Variants in MTOR observed in about 807,000 individuals in gnomAD.
The protein encoded by MTOR is mechanistic target of rapamycin kinase.
A neutral mutation model predicts 319.8 loss-of-function variants in MTOR; 70 were observed. The ratio of observed to expected loss-of-function variants is 0.22; its 90% CI spans 0.18 to 0.27. The LOEUF (loss-of-function observed/expected upper bound fraction) is 0.27, where lower values mean the gene tolerates loss of function less well. Ranked by LOEUF, MTOR falls within the 10% of genes least tolerant of loss-of-function variation. The probability of loss-of-function intolerance (pLI) is 1.00; values close to 1 mark genes in which losing one functional copy is unlikely to be tolerated. For synonymous variants in MTOR, 1,183 were observed against 1,211.4 expected, an observed-to-expected ratio of 0.98 and a Z score of 0.49; for missense variants, 1,890 against 3,274.4, an observed-to-expected ratio of 0.58 and a Z score of 10.32.
At chr1:11,120,177 A>T (rs952467192) in intron 49 of MTOR, among the ~76,000 whole-genome samples, 3 of 151,948 alleles carry the variant, frequency 2.0e-5, no homozygotes, top group African/African-American at 7.3e-5. Context: ...CCTGGATTCA[A>T]ATGATCCTTC....
chr1:11,213,037 G>C, intron 21 of MTOR, 129 bp from the exon 22 acceptor site: 1 of 677,444 alleles, frequency 1.5e-6, no homozygotes. Flanking sequence ...AAATGGCCTT[G>C]AACTATATCC....
intron 25 of MTOR, among the ~76,000 whole-genome samples, chr1:11,208,326 G>C (rs1330871177): frequency 6.6e-6 from 1 of 152,266 alleles, no homozygotes; most frequent in Non-Finnish European, 1.5e-5. Flanking sequence ...GTCACTTGAA[G>C]CTGTTTGTGT....
At chr1:11,234,909 T>C (rs759564405) in intron 13 of MTOR, among the ~76,000 whole-genome samples, 55 of 152,120 alleles carry the variant, frequency 3.6e-4, no homozygotes, top group Non-Finnish European at 6.5e-4. Flanking sequence ...ATAGACAGCA[T>C]AATATAGACA....
chr1:11,259,030 GC>G (rs1357519897), intron 2 of MTOR, among the ~76,000 whole-genome samples: 1 of 152,172 alleles, frequency 6.6e-6, no homozygotes, highest in Non-Finnish European at 1.5e-5. Flanking sequence ...GTCTATTCTG[GC>G]CCCTAAAATG....
intron 28 of MTOR, chr1:11,189,634 T>C: frequency 6.2e-7 from 1 of 1,613,976 alleles, no homozygotes; most frequent in Non-Finnish European, 8.5e-7. Context: ...CATCGTGGCC[T>C]TTGTCAGCCA....
chr1:11,226,802 GT>G (rs1445907560), intron 19 of MTOR, among the ~76,000 whole-genome samples: 3 of 152,222 alleles, frequency 2.0e-5, no homozygotes, highest in Non-Finnish European at 4.4e-5. Flanking sequence ...AAACATGGTA[GT>G]AGAGGTCTTA....
In MTOR at chr1:11,130,739, C is replaced by T. The variant is rs1156653237; in HGVS notation, c.5403G>A (p.Val1801=). ...HAWAVMNFEA[V]LHYKHQNQAR... is the part of the protein sequence containing the mutation. ...CTTGGTTCTGATGTTTGTAGTGTAG[C>T]ACAGCTTCGAAGTTCATCACTGCCC... is the stretch of plus-strand genomic sequence containing the variant. The change falls in exon 39 of 58, where the codon GTG becomes GTA. Residue 1801 remains valine, a synonymous_variant. Transcript: ENST00000361445. 1.9e-6 allele frequency: 3 copies of T among 1,586,238 alleles called. No individual in the cohort carries two copies. The highest frequency in any genetic ancestry group is 2.6e-6 in the Non-Finnish European group (3 of 1,165,740).
At chr1:11,219,624 AAGC>A (rs1646591714) in intron 19 of MTOR, among the ~76,000 whole-genome samples, 1 of 152,192 alleles carries the variant, frequency 6.6e-6, no homozygotes, top group African/African-American at 2.4e-5. Context: ...AGACCACTAC[AAGC>A]ATGACTTCTC....
chr1:11,190,041 A>T, intron 28 of MTOR: 1 of 1,470,860 alleles, frequency 6.8e-7, no homozygotes, highest in Non-Finnish European at 9.1e-7. Flanking sequence ...CAGAACCACT[A>T]CTGGGGCCTC....
chr1:11,239,627 G>A (rs767043567), intron 11 of MTOR, among the ~76,000 whole-genome samples: 4 of 152,046 alleles, frequency 2.6e-5, no homozygotes, highest in Admixed American at 2.0e-4. Flanking sequence ...ACCGCCAGCC[G>A]GGCACAGTGG....
intron 32 of MTOR, 64 bp downstream of exon 32, chr1:11,146,612 C>A (rs147809014): frequency 3.1e-6 from 4 of 1,272,918 alleles, no homozygotes; most frequent in Non-Finnish European, 4.6e-6. Context: ...ACCAAAGCAC[C>A]GTGGGCTTAG....
chr1:11,218,208 G>A (rs899357829), intron 19 of MTOR, among the ~76,000 whole-genome samples: 1 of 152,096 alleles, frequency 6.6e-6, no homozygotes, highest in African/African-American at 2.4e-5. Context: ...GAGGCGGGCA[G>A]ATCACAAGGT....
chr1:11,177,110 T>C (rs1459337686), intron 28 of MTOR, among the ~76,000 whole-genome samples: 1 of 151,890 alleles, frequency 6.6e-6, no homozygotes, highest in Non-Finnish European at 1.5e-5. Flanking sequence ...GGCTGGAACT[T>C]AGGAAAAAGA....
intron 50 of MTOR, among the ~76,000 whole-genome samples, chr1:11,116,703 C>T (rs1357179605): frequency 6.6e-6 from 1 of 152,160 alleles, no homozygotes; most frequent in Admixed American, 6.5e-5. Context: ...CTTGCTATTG[C>T]CCAAGTTGGT....
At chr1:11,209,246 A>G in intron 25 of MTOR, 66 bp downstream of exon 25, 2 of 1,600,212 alleles carry the variant, frequency 1.2e-6, no homozygotes, top group Non-Finnish European at 1.7e-6. Context: ...TTAAACAGTT[A>G]AAAGTTTTGA....
intron 13 of MTOR, among the ~76,000 whole-genome samples, chr1:11,234,817 C>G (rs749471867): frequency 3.3e-5 from 5 of 152,160 alleles, no homozygotes; most frequent in African/African-American, 4.8e-5. Context: ...TCCCCCGAAG[C>G]CTTACTGACT....
At chr1:11,221,806 T>C (rs1405534347) in intron 19 of MTOR, among the ~76,000 whole-genome samples, 1 of 150,048 alleles carries the variant, frequency 6.7e-6, no homozygotes, top group East Asian at 1.9e-4. Context: ...TATATATATG[T>C]ATCTTTCTTA....
chr1:11,128,272 G>A lies in MTOR; in HGVS notation c.5911-146C>T. 2 of 1,348,988 alleles carry A rather than the reference G, an allele frequency of 1.5e-6. No homozygotes were observed. Among genetic ancestry groups the A allele is most frequent in the South Asian group, 2.8e-5 (2 of 72,690 alleles). The allele number at this position is 1,348,988 out of a possible 1,614,324, so 83.6% of individuals were successfully genotyped here. On this transcript the variant is annotated intron_variant, in intron 42 of 57. Coordinates refer to ENST00000361445, the MANE Select transcript of MTOR (RefSeq NM_004958.4). This position sits in a 1 kb window ranked among gnomAD's most constrained non-coding sequence, Gnocchi z 5.3. ...ACCAGGAAGGGGCTCAGTCTTCGAG[G>A]GAACGCTTTCTTTTTAGCAAGGCTC...
intron 25 of MTOR, among the ~76,000 whole-genome samples, chr1:11,207,484 C>G (rs535592349): frequency 1.4e-5 from 2 of 147,582 alleles, no homozygotes; most frequent in South Asian, 2.2e-4. Flanking sequence ...TCATAGCTCA[C>G]TGCACCCTGG....
Sources: allele counts gnomAD v4.1 joint callset (sites outside exome capture counted in the v4.1 genomes callset), GRCh38; gene constraint gnomAD v4.1.1; non-coding constraint Gnocchi (gnomAD v3.1); transcripts MANE v1.5; gene names NCBI Gene and HGNC (gene_info 2026-07-23, HGNC 2026-07-21).